The following BRD4 variants were observed in gnomAD, a reference collection of about 807,000 sequenced individuals.
BRD4 encodes the protein bromodomain-containing protein 4.
BRD4 carries 16 observed loss-of-function variants against 142.1 expected under a neutral mutation model. That is an observed-to-expected ratio of 0.11 (90% CI 0.08 to 0.17). The LOEUF is 0.17. Ranked by LOEUF, BRD4 falls within the 10% of genes least tolerant of loss-of-function variation. The probability of loss-of-function intolerance (pLI) is 1.00; values close to 1 mark genes in which losing one functional copy is unlikely to be tolerated. For synonymous variants in BRD4, 833 were observed against 707.5 expected, an observed-to-expected ratio of 1.18 and a Z score of -2.82; for missense variants, 1,424 against 1,810.9, an observed-to-expected ratio of 0.79 and a Z score of 3.88.
chr19:15,295,227 C>G (rs2047813717), intron 1 of BRD4, among the ~76,000 whole-genome samples: 1 of 152,172 alleles, frequency 6.6e-6, no homozygotes, highest in African/African-American at 2.4e-5. Context: ...CCTCATGGCA[C>G]TGGGCATCTA....
chr19:15,275,111 G>A (rs1175728734), intron 1 of BRD4, among the ~76,000 whole-genome samples: 1 of 151,936 alleles, frequency 6.6e-6, no homozygotes, highest in South Asian at 2.1e-4. Context: ...CACCTGCCTC[G>A]GCCTCCCAAA....
chr19:15,300,183 T>C (rs1463093503), intron 1 of BRD4, among the ~76,000 whole-genome samples: 1 of 152,104 alleles, frequency 6.6e-6, no homozygotes, highest in African/African-American at 2.4e-5. Flanking sequence ...AGGCAGAGGC[T>C]GCAGTGAGAC....
chr19:15,261,046 G>A (rs958086596), intron 7 of BRD4, among the ~76,000 whole-genome samples: 6 of 152,190 alleles, frequency 3.9e-5, no homozygotes, highest in Admixed American at 2.6e-4. Context: ...TAGATGAAGG[G>A]CATGGGTATC....
At chr19:15,321,142 G>T (rs1599528407) in intron 1 of BRD4, among the ~76,000 whole-genome samples, 1 of 152,238 alleles carries the variant, frequency 6.6e-6, no homozygotes, top group African/African-American at 2.4e-5. Context: ...GCTGAGGCAG[G>T]AGAATTGCTT....
intron 1 of BRD4, among the ~76,000 whole-genome samples, chr19:15,325,566 G>C (rs567559938): frequency 1.3e-5 from 2 of 151,994 alleles, no homozygotes; most frequent in African/African-American, 4.8e-5. Flanking sequence ...CATTTGTGGG[G>C]GAAAAAATGT....
rs202020555 is a variant in BRD4, at chr19:15,258,332, CTT to C, written c.1342-1161_1342-1160del. 2.0e-5 allele frequency among the ~76,000 whole-genome samples: 3 copies of C among 151,850 alleles called. No individual in the cohort carries two copies. In the East Asian group the frequency reaches 5.8e-4, roughly 29 times the overall value. On this transcript the variant is annotated intron_variant, in intron 7 of 19. Transcript: ENST00000679869. ...GAGTATGACTTCTTTTAGCCAATAA[CTT>C]TTTTTTTGGAGACAGTCTTCACCCA...
chr19:15,257,951 T>A (rs558793010), intron 7 of BRD4, among the ~76,000 whole-genome samples: 1 of 152,144 alleles, frequency 6.6e-6, no homozygotes, highest in Non-Finnish European at 1.5e-5. Context: ...ACAGCAGCCA[T>A]GCATGGACAC....
intron 1 of BRD4, among the ~76,000 whole-genome samples, chr19:15,325,886 T>G (rs35436857): frequency 0.18 from 26,833 of 148,360 alleles, 2,459 homozygotes; most frequent in Middle Eastern, 0.21. Context: ...TAATCCTAGC[T>G]ACTAAGGAGG....
chr19:15,256,024 A>T (rs751534067), intron 9 of BRD4, 40 bp downstream of exon 9: 4 of 1,605,266 alleles, frequency 2.5e-6, no homozygotes, highest in Non-Finnish European at 3.4e-6. Context: ...AAGCCCTGGA[A>T]GGAGGGTCCC....
At chr19:15,324,209 G>C (rs1314320990) in intron 1 of BRD4, among the ~76,000 whole-genome samples, 1 of 152,100 alleles carries the variant, frequency 6.6e-6, no homozygotes, top group African/African-American at 2.4e-5. Flanking sequence ...TGCCTGGGGA[G>C]GGGGGAAGGG....
At chr19:15,242,814 C>A in intron 14 of BRD4, 86 bp downstream of exon 14, 1 of 1,535,104 alleles carries the variant, frequency 6.5e-7, no homozygotes, top group Non-Finnish European at 8.8e-7. Context: ...CAGCCTGAAG[C>A]ATGAGTTAAC....
At chr19:15,257,594 G>C (rs919596126) in intron 7 of BRD4, among the ~76,000 whole-genome samples, 6 of 152,156 alleles carry the variant, frequency 3.9e-5, no homozygotes, top group Non-Finnish European at 5.9e-5. Flanking sequence ...TGGTTTGAGA[G>C]GGCATTCCAG....
rs199991858 is a variant in BRD4 at position 15,242,886 on chromosome 19, T to C, written c.3169+14A>G. The C allele has an allele frequency of 3.4e-5, 55 of 1,599,226 alleles. No homozygotes were observed. The highest frequency in any genetic ancestry group is 4.2e-5 in the Non-Finnish European group (49 of 1,173,622). ...CACCAGCCTCCCCAGAGTCTACGGG[T>C]GAGGACCACTTACCGGTTGAGTAGG... On this transcript the variant is annotated intron_variant, in intron 14 of 19. Transcript: ENST00000679869.
At chr19:15,278,596 T>C (rs1373778155) in intron 1 of BRD4, among the ~76,000 whole-genome samples, 2 of 137,516 alleles carry the variant, frequency 1.5e-5, no homozygotes, top group African/African-American at 5.4e-5. Context: ...GAATAAAATA[T>C]ATATTCCTGT....
Position 15,312,922 on chromosome 19 carries a change from C to T in BRD4, c.-35+19368G>A, listed in dbSNP as rs973644837. Among the ~76,000 whole-genome samples, 9 of 151,962 alleles carry T rather than the reference C, an allele frequency of 5.9e-5. No individual in the cohort carries two copies. The East Asian group carries it at 7.8e-4, about 13-fold the overall frequency. ...TTGCACTCCAGCCTGGGTGACAGAG[C>T]GAGACTCTCAAAACAAAACAAAGAT... On this transcript the variant is annotated intron_variant, in intron 1 of 19. Coordinates refer to ENST00000679869, the MANE Select transcript of BRD4 (RefSeq NM_001379291.1).
chr19:15,252,295 C>T (rs574955799), intron 11 of BRD4, among the ~76,000 whole-genome samples: 9 of 152,338 alleles, frequency 5.9e-5, no homozygotes, highest in South Asian at 2.1e-4. Context: ...CACACTGCCA[C>T]GACCACGTCA....
In BRD4 at chr19:15,246,029, C is replaced by T. The variant is rs77355930; in HGVS notation, c.2159-1267G>A. ...TGCCCTGTAAGAGCTCACCACTCCA[C>T]GCCAGACAAGACACAGACACAGACC... is the stretch of plus-strand genomic sequence containing the variant. On this transcript the variant is annotated intron_variant, in intron 11 of 19. Transcript: ENST00000679869. Among the ~76,000 whole-genome samples, 16 of 152,314 alleles carry T rather than the reference C, an allele frequency of 1.1e-4. No homozygotes were observed. The East Asian group carries it at 2.1e-3, about 20-fold the overall frequency.
chr19:15,257,454 T>A (rs2047424302), intron 7 of BRD4: 2 of 486,726 alleles, frequency 4.1e-6, no homozygotes, highest in Non-Finnish European at 7.4e-6. Context: ...GGCAAGGACA[T>A]GAGACCCAGG....
At chr19:15,302,328 C>T (rs572587858) in intron 1 of BRD4, among the ~76,000 whole-genome samples, 1 of 152,302 alleles carries the variant, frequency 6.6e-6, no homozygotes, top group East Asian at 1.9e-4. Context: ...GTGCAGCAGG[C>T]AAGGACAGCC....
Sources: gnomAD v4.1 joint callset for allele counts (sites outside exome capture counted in the v4.1 genomes callset) on GRCh38, gnomAD v4.1.1 for gene constraint, MANE v1.5 for transcripts, NCBI Gene and HGNC (gene_info 2026-07-23, HGNC 2026-07-21) for gene names.